The following C1orf21 variants were observed in gnomAD, a reference collection of about 807,000 sequenced individuals.
The protein encoded by C1orf21 is uncharacterized protein C1orf21.
A neutral mutation model predicts 18.7 loss-of-function variants in C1orf21; 3 were observed. The observed-to-expected ratio is 0.16, with a 90% CI of 0.07 to 0.42. C1orf21 has a LOEUF of 0.42. C1orf21 is among the 10% of genes least tolerant of loss of function. C1orf21 has a pLI of 0.99. For missense variants in C1orf21, 104 were observed against 143.6 expected (o/e 0.72, Z 1.41); for synonymous variants, 41 against 46.4 (o/e 0.88, Z 0.47).
chr1:184,475,240 G>A (rs1657552351), intron 1 of C1orf21, among the ~76,000 whole-genome samples: 1 of 152,144 alleles, frequency 6.6e-6, no homozygotes, highest in Admixed American at 6.5e-5. Flanking sequence ...ATCAGAAAGA[G>A]TACCTATGGT....
intron 1 of C1orf21, chr1:184,412,403 T>A (rs41263668): frequency 0.11 from 16,163 of 152,302 alleles, 1,530 homozygotes; most frequent in African/African-American, 0.25. Flanking sequence ...AAGCCTAGGT[T>A]CTTATTTGCT....
At chr1:184,436,191 G>A (rs1321753406) in intron 1 of C1orf21, among the ~76,000 whole-genome samples, 2 of 152,194 alleles carry the variant, frequency 1.3e-5, no homozygotes, top group East Asian at 1.9e-4. Flanking sequence ...AGCAGAAGGC[G>A]AGTTTGTGTT....
chr1:184,619,793 T>G lies in C1orf21; in HGVS notation c.*237T>G. On this transcript the variant is annotated 3_prime_UTR_variant, in exon 6 of 6. Coordinates refer to ENST00000235307, the MANE Select transcript of C1orf21 (RefSeq NM_030806.4). Reference sequence around the variant, plus strand: ...TTCTTTGTTGCTGCTAGTTAAAACTTGTTGCAACTTTTCACTTCTCTTGTG... The same window carrying G: ...TTCTTTGTTGCTGCTAGTTAAAACTGGTTGCAACTTTTCACTTCTCTTGTG... 2.4e-6 allele frequency: 1 copy of G among 417,370 alleles called. No homozygotes were observed. Among genetic ancestry groups the G allele is most frequent in the Non-Finnish European group, 4.2e-6 (1 of 238,844 alleles). 25.9% of individuals were successfully genotyped at this position (417,370 alleles called of 1,614,324 possible). A position where few individuals can be genotyped will look rare whatever the true frequency, so the allele number is the denominator to read the frequency against.
chr1:184,566,170 A>G (rs1297905408), intron 3 of C1orf21, among the ~76,000 whole-genome samples: 1 of 152,106 alleles, frequency 6.6e-6, no homozygotes, highest in African/African-American at 2.4e-5. Context: ...GCCAGCTGCT[A>G]TACTGGCACT....
At chr1:184,538,630 T>C (rs1037780931) in intron 3 of C1orf21, among the ~76,000 whole-genome samples, 2 of 152,242 alleles carry the variant, frequency 1.3e-5, no homozygotes, top group Non-Finnish European at 2.9e-5. Context: ...GAGGTCATTT[T>C]GTACATAGTA....
intron 3 of C1orf21, among the ~76,000 whole-genome samples, chr1:184,531,868 C>T (rs1007003518): frequency 3.9e-5 from 6 of 152,166 alleles, no homozygotes; most frequent in African/African-American, 1.4e-4. Flanking sequence ...ACATTTTTAT[C>T]TTGGCCCGAC....
intron 1 of C1orf21, among the ~76,000 whole-genome samples, chr1:184,410,663 A>AT (rs71297843): frequency 0.062 from 478 of 7,660 alleles, 142 homozygotes; most frequent in Non-Finnish European, 0.076. Context: ...ATATATATAT[A>AT]TTTTTTTTTT....
chr1:184,572,567 G>A (rs1259324690), intron 3 of C1orf21, among the ~76,000 whole-genome samples: 4 of 152,198 alleles, frequency 2.6e-5, no homozygotes, highest in African/African-American at 4.8e-5. Context: ...AAACCCTGGA[G>A]TTTGGTAAAG....
intron 1 of C1orf21, among the ~76,000 whole-genome samples, chr1:184,435,508 T>A (rs1656843885): frequency 6.6e-6 from 1 of 152,198 alleles, no homozygotes; most frequent in African/African-American, 2.4e-5. Context: ...CATGCCCAGC[T>A]AATTTTTTAT....
intron 5 of C1orf21, among the ~76,000 whole-genome samples, chr1:184,615,408 C>A (rs1241027308): frequency 6.6e-6 from 1 of 152,104 alleles, no homozygotes; most frequent in Non-Finnish European, 1.5e-5. Flanking sequence ...TCGAGGGCCT[C>A]CTAGGGATCT....
chr1:184,482,743 C>T (rs1271726320), intron 2 of C1orf21, among the ~76,000 whole-genome samples: 2 of 152,188 alleles, frequency 1.3e-5, no homozygotes, highest in Non-Finnish European at 2.9e-5. Flanking sequence ...TGTACACACA[C>T]ATTTGATCCT....
chr1:184,613,275 T>C (rs1187474023), intron 5 of C1orf21, among the ~76,000 whole-genome samples: 1 of 152,230 alleles, frequency 6.6e-6, no homozygotes, highest in Non-Finnish European at 1.5e-5. Flanking sequence ...AGGAAAAATA[T>C]AGTATATGTA....
At chr1:184,589,064 A>G (rs182964637) in intron 3 of C1orf21, among the ~76,000 whole-genome samples, 85 of 152,306 alleles carry the variant, frequency 5.6e-4, no homozygotes, top group African/African-American at 1.9e-3. Flanking sequence ...ATGGAATATA[A>G]ACAACATACC....
At chr1:184,415,316 T>C (rs1571347382) in intron 1 of C1orf21, among the ~76,000 whole-genome samples, 1 of 152,254 alleles carries the variant, frequency 6.6e-6, no homozygotes, top group African/African-American at 2.4e-5. Flanking sequence ...CTTCTTCTTT[T>C]GACTCCTTAC....
intron 1 of C1orf21, among the ~76,000 whole-genome samples, chr1:184,399,416 G>C (rs903675485): frequency 3.7e-5 from 5 of 136,264 alleles, no homozygotes; most frequent in African/African-American, 1.4e-4. Flanking sequence ...AGGCTGGAGT[G>C]TAATGCTGTG....
chr1:184,515,903 T>C (rs528180463), intron 3 of C1orf21, among the ~76,000 whole-genome samples: 18 of 152,236 alleles, frequency 1.2e-4, no homozygotes, highest in African/African-American at 3.9e-4. Context: ...AACCTCCGCC[T>C]CCAGGTTTAA....
chr1:184,618,639 C>CCA (rs1659868389), intron 5 of C1orf21, among the ~76,000 whole-genome samples: 1 of 144,300 alleles, frequency 6.9e-6, no homozygotes, highest in East Asian at 2.2e-4. Context: ...AGAACATTCC[C>CCA]CCCCCCCAAG....
At chr1:184,498,883 A>C (rs1557987298) in intron 2 of C1orf21, among the ~76,000 whole-genome samples, 1 of 152,240 alleles carries the variant, frequency 6.6e-6, no homozygotes. Context: ...GAATCAGACC[A>C]CTGGGTTCAA....
chr1:184,571,013 G>T (rs531005426), intron 3 of C1orf21, among the ~76,000 whole-genome samples: 483 of 152,240 alleles, frequency 3.2e-3, no homozygotes, highest in Non-Finnish European at 5.2e-3. Flanking sequence ...GTACGGTAAG[G>T]CCGGGCGCGG....
Sources: gnomAD v4.1 joint callset for allele counts (sites outside exome capture counted in the v4.1 genomes callset) on GRCh38, gnomAD v4.1.1 for gene constraint, MANE v1.5 for transcripts, NCBI Gene and HGNC (gene_info 2026-07-23, HGNC 2026-07-21) for gene names.